Variants in LOC400499 observed in about 807,000 individuals in gnomAD.
At chr16:11,500,339 C>A in the LOC400499 span, among the ~76,000 whole-genome samples, 1 of 151,784 alleles carries the variant, frequency 6.6e-6, no homozygotes, top group African/African-American at 2.4e-5. Context: ...GAAACCCCGT[C>A]TCTACTGAAA....
the LOC400499 span, among the ~76,000 whole-genome samples, chr16:11,502,717 C>T: frequency 6.1e-3 from 925 of 151,388 alleles, 10 homozygotes; most frequent in African/African-American, 0.021. Flanking sequence ...TGGGTTCTAG[C>T]GATTCTCCCG....
At chr16:11,477,839 T>A in the LOC400499 span, 2 of 398,894 alleles carry the variant, frequency 5.0e-6, no homozygotes, top group East Asian at 7.1e-5. Context: ...GACATAACCA[T>A]TCACAGAGAA....
the LOC400499 span, among the ~76,000 whole-genome samples, chr16:11,517,274 T>C: frequency 2.9e-4 from 44 of 152,220 alleles, no homozygotes; most frequent in Admixed American, 1.4e-3. Flanking sequence ...CCCCTGAAAA[T>C]GGTGCATAAG....
At chr16:11,400,060 GAAA>G in the LOC400499 span, among the ~76,000 whole-genome samples, 3,708 of 145,934 alleles carry the variant, frequency 0.025, 76 homozygotes, top group Non-Finnish European at 0.037. Context: ...GCATTTAAAT[GAAA>G]AAAAAAAAAA....
chr16:11,482,810 T>A, the LOC400499 span, among the ~76,000 whole-genome samples: 3 of 151,606 alleles, frequency 2.0e-5, no homozygotes, highest in African/African-American at 4.8e-5. Context: ...GAAGATCACT[T>A]GAGCCCAGCA....
the LOC400499 span, among the ~76,000 whole-genome samples, chr16:11,501,509 A>ACCAAGTC: frequency 6.6e-6 from 1 of 152,110 alleles, no homozygotes; most frequent in South Asian, 2.1e-4. Context: ...AGTGTTCGCT[A>ACCAAGTC]CCAAGTCGAG....
At chr16:11,420,716 C>A in the LOC400499 span, among the ~76,000 whole-genome samples, 1 of 151,728 alleles carries the variant, frequency 6.6e-6, no homozygotes, top group African/African-American at 2.4e-5. Flanking sequence ...AGAGGGCACC[C>A]TGGTCCCCTG....
At chr16:11,523,331 C>T in the LOC400499 span, 2 of 398,524 alleles carry the variant, frequency 5.0e-6, no homozygotes, top group Middle Eastern at 6.3e-4. Context: ...CTAATCCCAT[C>T]TTACAGCTTC....
the LOC400499 span, among the ~76,000 whole-genome samples, chr16:11,451,289 A>G: frequency 6.6e-6 from 1 of 152,220 alleles, no homozygotes; most frequent in African/African-American, 2.4e-5. Flanking sequence ...TCATAATAAA[A>G]CATTGGAAGG....
chr16:11,440,700 G>A, the LOC400499 span: 7 of 399,028 alleles, frequency 1.8e-5, no homozygotes, highest in East Asian at 2.5e-4. Flanking sequence ...CCCTCGGCAA[G>A]GGAGCAGAAC....
chr16:11,377,016 T>G, the LOC400499 span, among the ~76,000 whole-genome samples: 1 of 150,542 alleles, frequency 6.6e-6, no homozygotes, highest in South Asian at 2.1e-4. Context: ...ACAGGCATAA[T>G]CATCGTCAAA....
At chr16:11,444,540 G>A in the LOC400499 span, among the ~76,000 whole-genome samples, 9 of 152,192 alleles carry the variant, frequency 5.9e-5, no homozygotes, top group Non-Finnish European at 1.3e-4. Context: ...AATTGTAACG[G>A]TAGTTATGAG....
chr16:11,462,419 C>G, the LOC400499 span: 1 of 1,301,522 alleles, frequency 7.7e-7, no homozygotes, highest in Admixed American at 3.8e-5. Context: ...CCTTCTACAC[C>G]GATCCTTACC....
the LOC400499 span, among the ~76,000 whole-genome samples, chr16:11,411,833 A>C: frequency 6.9e-6 from 1 of 145,724 alleles, no homozygotes; most frequent in Non-Finnish European, 1.5e-5. Flanking sequence ...GGTGGTTACA[A>C]TCTCCACGTT....
the LOC400499 span, among the ~76,000 whole-genome samples, chr16:11,516,791 A>C: frequency 6.6e-6 from 1 of 152,106 alleles, no homozygotes; most frequent in Non-Finnish European, 1.5e-5. Flanking sequence ...GACCACAGAC[A>C]TATGGCCACC....
chr16:11,443,183 G>C, the LOC400499 span, among the ~76,000 whole-genome samples: 1 of 151,856 alleles, frequency 6.6e-6, no homozygotes, highest in African/African-American at 2.4e-5. Context: ...AATTAGCCGG[G>C]TGTGGTCATG....
the LOC400499 span, among the ~76,000 whole-genome samples, chr16:11,432,066 G>T: frequency 0.18 from 27,991 of 152,100 alleles, 5,266 homozygotes; most frequent in African/African-American, 0.47. Flanking sequence ...AAAGAGAGAG[G>T]GGGATGCACA....
chr16:11,459,971 G>T, the LOC400499 span: 1 of 1,515,330 alleles, frequency 6.6e-7, no homozygotes. Flanking sequence ...GCCTCTTGTT[G>T]CTGTTCTTGT....
chr16:11,500,794 A>G, the LOC400499 span: 1 of 399,154 alleles, frequency 2.5e-6, no homozygotes, highest in Non-Finnish European at 4.4e-6. Context: ...GGTGGGGTGC[A>G]GGGACTCACC....
Sources: allele counts gnomAD v4.1 joint callset (sites outside exome capture counted in the v4.1 genomes callset), GRCh38; gene constraint gnomAD v4.1.1; transcripts MANE v1.5.